Variants in DPP6 observed in about 807,000 individuals in gnomAD.
DPP6 encodes dipeptidyl peptidase like 6, also known as A-type potassium channel modulatory protein DPP6.
Under a neutral mutation model 122.6 loss-of-function variants are expected in DPP6, and 69 were observed. The ratio of observed to expected loss-of-function variants is 0.56; its 90% CI spans 0.46 to 0.69. The LOEUF (loss-of-function observed/expected upper bound fraction) is 0.69. DPP6 is among the 30% of genes least tolerant of loss of function. The pLI is 0.00. For missense variants in DPP6, 928 were observed against 1,116.9 expected, an observed-to-expected ratio of 0.83 and a Z score of 2.41; for synonymous variants, 418 against 433.1, an observed-to-expected ratio of 0.97 and a Z score of 0.43.
At chr7:154,310,699 T>A (rs1381541864) in intron 1 of DPP6, among the ~76,000 whole-genome samples, 1 of 152,182 alleles carries the variant, frequency 6.6e-6, no homozygotes, top group Non-Finnish European at 1.5e-5. Context: ...GTGCTTTTCA[T>A]TAACCTTCAC....
chr7:154,539,171 A>G (rs1446896143), intron 3 of DPP6, among the ~76,000 whole-genome samples: 1 of 152,178 alleles, frequency 6.6e-6, no homozygotes, highest in African/African-American at 2.4e-5. Context: ...TTCACTCAGA[A>G]AGATAGTGTT....
chr7:154,665,836 C>G (rs1448493276), intron 6 of DPP6, among the ~76,000 whole-genome samples: 1 of 151,892 alleles, frequency 6.6e-6, no homozygotes, highest in Non-Finnish European at 1.5e-5. Flanking sequence ...TTTTAGTGTT[C>G]CCCTTTTCCT....
intron 3 of DPP6, among the ~76,000 whole-genome samples, chr7:154,535,859 G>A (rs978070719): frequency 2.6e-5 from 4 of 152,132 alleles, no homozygotes; most frequent in Non-Finnish European, 5.9e-5. Flanking sequence ...ATGTTTAATA[G>A]ACTGATTTTG....
At chr7:153,758,441 C>T in the DPP6 span, among the ~76,000 whole-genome samples, 582 of 151,556 alleles carry the variant, frequency 3.8e-3, 2 homozygotes, top group African/African-American at 0.013. Context: ...CCCGTGAAAA[C>T]GCCACGGTCA....
chr7:154,804,136 G>C (rs1040377015), intron 14 of DPP6, among the ~76,000 whole-genome samples, 181 bp downstream of exon 14: 1 of 152,304 alleles, frequency 6.6e-6, no homozygotes, highest in East Asian at 1.9e-4. Flanking sequence ...CCAACAGTCC[G>C]ACTTCCAGAG....
chr7:154,693,555 C>T (rs1262104873), intron 7 of DPP6, among the ~76,000 whole-genome samples: 1 of 152,162 alleles, frequency 6.6e-6, no homozygotes, highest in African/African-American at 2.4e-5. Context: ...TCAGCCGAGC[C>T]AGCCTCCCAG....
At chr7:154,674,734 G>T (rs1459624168) in intron 7 of DPP6, among the ~76,000 whole-genome samples, 4 of 152,210 alleles carry the variant, frequency 2.6e-5, no homozygotes, top group Middle Eastern at 3.2e-3. Flanking sequence ...AAGAGCAGTG[G>T]AGTAGTTAGC....
chr7:154,004,812 T>C (rs1430836033), intron 1 of DPP6, among the ~76,000 whole-genome samples: 3 of 152,224 alleles, frequency 2.0e-5, no homozygotes, highest in Non-Finnish European at 4.4e-5. Context: ...TGTTTAACTT[T>C]TCATTTGTTC....
At chr7:154,828,433 A>G (rs1260062019) in intron 16 of DPP6, among the ~76,000 whole-genome samples, 1 of 152,174 alleles carries the variant, frequency 6.6e-6, no homozygotes, top group African/African-American at 2.4e-5. Flanking sequence ...CCTGTCACCA[A>G]GCGTGCAGCC....
chr7:154,397,121 A>C, intron 1 of DPP6, among the ~76,000 whole-genome samples: 1 of 150,520 alleles, frequency 6.6e-6, no homozygotes, highest in Non-Finnish European at 1.5e-5. Context: ...TAAATGTAAA[A>C]TTATAAGATA....
chr7:153,848,038 G>A, the DPP6 span, among the ~76,000 whole-genome samples: 8 of 152,292 alleles, frequency 5.3e-5, no homozygotes, highest in East Asian at 1.9e-4. Context: ...CTGGTCAAGC[G>A]ACGGATGAAA....
chr7:154,613,169 G>T (rs1834016288), intron 5 of DPP6, among the ~76,000 whole-genome samples: 1 of 152,184 alleles, frequency 6.6e-6, no homozygotes, highest in South Asian at 2.1e-4. Flanking sequence ...CCATCAGGGG[G>T]TAAGGTTTCA....
intron 1 of DPP6, among the ~76,000 whole-genome samples, chr7:154,353,543 T>C (rs2337878): frequency 0.1 from 15,297 of 152,190 alleles, 2,001 homozygotes; most frequent in African/African-American, 0.3. Flanking sequence ...AATCTTTCCA[T>C]GTGTGTCTCT....
chr7:154,257,855 A>T (rs1475057745), intron 1 of DPP6, among the ~76,000 whole-genome samples: 1 of 152,216 alleles, frequency 6.6e-6, no homozygotes, highest in Non-Finnish European at 1.5e-5. Flanking sequence ...TAGTGGAGTA[A>T]ATGGCACGGC....
chr7:154,014,350 A>T (rs540647903), intron 1 of DPP6, among the ~76,000 whole-genome samples: 1,564 of 143,754 alleles, frequency 0.011, 110 homozygotes, highest in African/African-American at 0.038. Context: ...CTATTTCACT[A>T]CCTCGTTGTT....
Position 153,958,801 on chromosome 7 carries a change from G to T in DPP6, c.51+71067G>T, listed in dbSNP as rs549665274. On this transcript the variant is annotated intron_variant, in intron 1 of 25. Transcript: ENST00000404039. ...CCCTGAACATCTGGCCTGTTTCCTG[G>T]GGTGTGTAGAGAGAGGCCTTCTGTT... Among the ~76,000 whole-genome samples the T allele has an allele frequency of 8.6e-5, 13 of 151,964 alleles. No individual in the cohort carries two copies. The South Asian group carries it at 2.7e-3, about 32-fold the overall frequency.
rs558796323 is a variant in DPP6, at chr7:154,471,107, C to T, written c.359-3832C>T. Among the ~76,000 whole-genome samples the T allele has an allele frequency of 4.6e-5, 7 of 152,052 alleles. No homozygotes were observed. The South Asian group carries it at 6.3e-4, about 14-fold the overall frequency. ...CTCTACTAGAAATACAAAAATTAGC[C>T]GGGCTCGGTGGCAGGTGCCTGTGAT... On this transcript the variant is annotated intron_variant, in intron 2 of 25. Coordinates refer to ENST00000377770, the MANE Select transcript of DPP6 (RefSeq NM_130797.4).
chr7:154,710,716 T>C (rs1841125464), intron 7 of DPP6, among the ~76,000 whole-genome samples: 1 of 152,232 alleles, frequency 6.6e-6, no homozygotes, highest in South Asian at 2.1e-4. Context: ...GTCTACAAGG[T>C]TGCAGATTTG....
chr7:154,892,652 C>T lies in DPP6; in HGVS notation c.*172C>T, dbSNP rs758173802. On this transcript the variant is annotated 3_prime_UTR_variant, in exon 26 of 26. Transcript: ENST00000377770. ...TTTTGCTTGGGAAACAAGCTCCTTC[C>T]CCGGGGTCATCACTCACGGCCTCCA... 1.5e-5 allele frequency: 21 copies of T among 1,360,730 alleles called. No homozygotes were observed. The African/African-American group carries it at 2.1e-4, about 14-fold the overall frequency. The allele number at this position is 1,360,730 out of a possible 1,614,324, so 84.3% of individuals were successfully genotyped here. A position where few individuals can be genotyped will look rare whatever the true frequency, so the allele number is the denominator to read the frequency against.
Sources: allele counts gnomAD v4.1 joint callset (sites outside exome capture counted in the v4.1 genomes callset), GRCh38; gene constraint gnomAD v4.1.1; transcripts MANE v1.5; gene names NCBI Gene and HGNC (gene_info 2026-07-23, HGNC 2026-07-21).